The following CDH12 variants were observed in gnomAD, a reference collection of about 807,000 sequenced individuals.
CDH12 encodes cadherin-12.
CDH12 carries 41 observed loss-of-function variants against 74.1 expected under a neutral mutation model. That is an observed-to-expected ratio of 0.55 (90% confidence interval 0.43 to 0.72). The LOEUF is 0.72. CDH12 is among the 30% of genes least tolerant of loss of function. The pLI, the probability that CDH12 is intolerant of heterozygous loss-of-function variation, is 0.00. For synonymous variants in CDH12, 399 were observed against 355.0 expected (o/e 1.12, Z -1.39); for missense variants, 945 against 977.2 (o/e 0.97, Z 0.44).
At chr5:22,374,769 C>G (rs994146129) in intron 3 of CDH12, among the ~76,000 whole-genome samples, 2 of 150,940 alleles carry the variant, frequency 1.3e-5, no homozygotes, top group African/African-American at 4.9e-5. Flanking sequence ...AAGATTTCTA[C>G]AAGGAAAACT....
chr5:22,818,864 T>C (rs1329641354), intron 1 of CDH12, among the ~76,000 whole-genome samples: 5 of 152,172 alleles, frequency 3.3e-5, no homozygotes, highest in Admixed American at 6.6e-5. Context: ...TCAGTAGTTA[T>C]GTATGCATAC....
chr5:22,386,272 C>T (rs1437302835), intron 3 of CDH12, among the ~76,000 whole-genome samples: 2 of 152,138 alleles, frequency 1.3e-5, no homozygotes, highest in Non-Finnish European at 2.9e-5. Flanking sequence ...CCCCATGATC[C>T]AGTCATCTCC....
chr5:22,435,532 A>G (rs1744351387), intron 2 of CDH12, among the ~76,000 whole-genome samples: 1 of 148,088 alleles, frequency 6.8e-6, no homozygotes, highest in Non-Finnish European at 1.5e-5. Context: ...GTGTATATAC[A>G]TATATACTAT....
Position 22,428,051 on chromosome 5 carries a change from T to C in CDH12, c.-427-22700A>G, listed in dbSNP as rs187708145. Among the ~76,000 whole-genome samples, 35 of 152,284 alleles carry C rather than the reference T, an allele frequency of 2.3e-4. 1 individual carries two copies. Among genetic ancestry groups the C allele is most frequent in the Non-Finnish European group, 2.9e-5 (2 of 68,022 alleles). On this transcript the variant is annotated intron_variant, in intron 2 of 14. Transcript: ENST00000382254. Reference sequence around the variant, plus strand: ...AACTGGACCCAGTTATTCTTTATTTTATAGCCTTAAAATTTCAGTGGTTAC... The same window carrying C: ...AACTGGACCCAGTTATTCTTTATTTCATAGCCTTAAAATTTCAGTGGTTAC...
intron 4 of CDH12, among the ~76,000 whole-genome samples, chr5:22,170,261 A>T (rs1194359350): frequency 6.6e-6 from 1 of 151,882 alleles, no homozygotes; most frequent in Non-Finnish European, 1.5e-5. Context: ...AATAATAATG[A>T]TCAAAAACTT....
intron 4 of CDH12, among the ~76,000 whole-genome samples, chr5:22,092,044 G>T (rs1490201704): frequency 6.6e-6 from 1 of 150,840 alleles, no homozygotes; most frequent in Non-Finnish European, 1.5e-5. Flanking sequence ...TTATTTTAGG[G>T]TCTCTATTTT....
intron 3 of CDH12, among the ~76,000 whole-genome samples, chr5:22,372,535 C>G (rs1475970787): frequency 6.6e-6 from 1 of 152,156 alleles, no homozygotes; most frequent in Non-Finnish European, 1.5e-5. Context: ...AGTCACCAGG[C>G]TTCCAAGCCC....
chr5:22,183,917 C>T (rs1749788299), intron 4 of CDH12, among the ~76,000 whole-genome samples: 1 of 151,808 alleles, frequency 6.6e-6, no homozygotes, highest in Non-Finnish European at 1.5e-5. Flanking sequence ...GTCCTTTCTA[C>T]ACAAAAATAA....
At chr5:21,915,822 C>CTGTGTGTGTGTGTGTG (rs36126825) in intron 6 of CDH12, among the ~76,000 whole-genome samples, 8 of 140,042 alleles carry the variant, frequency 5.7e-5, no homozygotes, top group African/African-American at 8.0e-5. Context: ...ATCATTTGTG[C>CTGTGTGTGTGTGTGTG]TGTGTGTGTG....
chr5:22,808,252 C>T (rs1748920849), intron 1 of CDH12, among the ~76,000 whole-genome samples: 1 of 152,142 alleles, frequency 6.6e-6, no homozygotes, highest in Non-Finnish European at 1.5e-5. Flanking sequence ...ATACTTAATA[C>T]TCTAATGATC....
chr5:21,804,050 T>C (rs1238606440), intron 9 of CDH12, among the ~76,000 whole-genome samples: 1 of 152,202 alleles, frequency 6.6e-6, no homozygotes, highest in Non-Finnish European at 1.5e-5. Flanking sequence ...CTATAGGTAT[T>C]CCTTTTATCA....
intron 6 of CDH12, chr5:21,884,295 G>C: frequency 6.9e-7 from 1 of 1,440,494 alleles, no homozygotes; most frequent in Non-Finnish European, 9.8e-7. Flanking sequence ...AGGTGGTATG[G>C]GAGGTGGCAT....
intron 4 of CDH12, among the ~76,000 whole-genome samples, chr5:22,195,663 T>C (rs1272763293): frequency 6.6e-6 from 1 of 152,218 alleles, no homozygotes; most frequent in Non-Finnish European, 1.5e-5. Context: ...AATGTGTATT[T>C]ATACCTTTTA....
At chr5:22,241,627 A>G (rs1171451290) in intron 3 of CDH12, among the ~76,000 whole-genome samples, 1 of 152,110 alleles carries the variant, frequency 6.6e-6, no homozygotes, top group African/African-American at 2.4e-5. Flanking sequence ...ACTAAATCTT[A>G]GTGGAAGAAT....
intron 3 of CDH12, among the ~76,000 whole-genome samples, chr5:22,248,925 C>A (rs1753046698): frequency 6.6e-6 from 1 of 151,996 alleles, no homozygotes; most frequent in Non-Finnish European, 1.5e-5. Flanking sequence ...ACAAATCTAA[C>A]CTCTACTCGA....
intron 4 of CDH12, among the ~76,000 whole-genome samples, chr5:22,177,397 C>G (rs1047059456): frequency 3.9e-5 from 6 of 151,966 alleles, no homozygotes; most frequent in African/African-American, 1.4e-4. Context: ...GAACTTAGTG[C>G]CTGAAAACCT....
At position 22,811,716 on chromosome 5, in the gene CDH12, T is replaced by C. The variant is rs1175532229; in HGVS notation, c.-523+41342A>G. 7.9e-5 allele frequency among the ~76,000 whole-genome samples: 12 copies of C among 152,164 alleles called. No homozygotes were observed. The East Asian group carries it at 1.7e-3, about 22-fold the overall frequency. On this transcript the variant is annotated intron_variant, in intron 1 of 14. Transcript: ENST00000382254. The stretch of plus-strand genomic sequence containing the variant: ...AATTACATCAGGTAGTGCAGGATCC[T>C]GGGGCTAGTAAAAGCAGGATTGTGT...
At chr5:22,514,407 A>ATCTT in intron 1 of CDH12, among the ~76,000 whole-genome samples, 1 of 152,166 alleles carries the variant, frequency 6.6e-6, no homozygotes, top group Admixed American at 6.5e-5. Context: ...CAGGGAGGAG[A>ATCTT]GTGCTATAGA....
intron 1 of CDH12, among the ~76,000 whole-genome samples, chr5:22,540,103 C>T (rs1305404189): frequency 6.6e-6 from 1 of 152,042 alleles, no homozygotes; most frequent in Non-Finnish European, 1.5e-5. Context: ...TTGATTGACA[C>T]AGAAGAAATG....
Sources: gnomAD v4.1 joint callset for allele counts (sites outside exome capture counted in the v4.1 genomes callset) on GRCh38, gnomAD v4.1.1 for gene constraint, MANE v1.5 for transcripts, NCBI Gene and HGNC (gene_info 2026-07-23, HGNC 2026-07-21) for gene names.